The following PSEN1 variants were observed in gnomAD, a reference collection of about 807,000 sequenced individuals.
PSEN1 encodes the protein presenilin 1.
In PSEN1, 15 loss-of-function variants were observed where a neutral mutation model predicts 53.5. The ratio of observed to expected loss-of-function variants is 0.28; its 90% CI spans 0.19 to 0.43. The LOEUF is 0.43. Among genes scored for constraint, PSEN1 ranks in the 20% least tolerant of loss-of-function variants. PSEN1 has a pLI of 1.00. For missense variants in PSEN1, 387 were observed against 571.2 expected (o/e 0.68, Z 3.29); for synonymous variants, 208 against 209.8 (o/e 0.99, Z 0.08).
chr14:73,179,173 A>T (rs1383178976), intron 5 of PSEN1, among the ~76,000 whole-genome samples: 1 of 152,182 alleles, frequency 6.6e-6, no homozygotes, highest in Non-Finnish European at 1.5e-5. Flanking sequence ...AGAGAGAGAA[A>T]TAAAGCAAGG....
At chr14:73,205,187 T>C (rs970020583) in intron 8 of PSEN1, among the ~76,000 whole-genome samples, 1 of 151,844 alleles carries the variant, frequency 6.6e-6, no homozygotes, top group Admixed American at 6.6e-5. Context: ...TTAAAATTAC[T>C]GTGACCAGGC....
intron 7 of PSEN1, among the ~76,000 whole-genome samples, chr14:73,196,399 T>C (rs763478394): frequency 3.4e-5 from 5 of 149,176 alleles, no homozygotes. Context: ...TATTATATTA[T>C]AGTTCTATAT....
At chr14:73,194,740 T>C (rs774433313) in intron 7 of PSEN1, among the ~76,000 whole-genome samples, 4 of 151,928 alleles carry the variant, frequency 2.6e-5, no homozygotes, top group Admixed American at 6.6e-5. Context: ...GGCTATTTTT[T>C]TGTATTTGTA....
At chr14:73,153,567 T>C (rs1897280263) in intron 3 of PSEN1, among the ~76,000 whole-genome samples, 1 of 152,168 alleles carries the variant, frequency 6.6e-6, no homozygotes, top group South Asian at 2.1e-4. Flanking sequence ...ACTTGCCAGT[T>C]CTTTGGTTAA....
intron 3 of PSEN1, among the ~76,000 whole-genome samples, chr14:73,148,913 A>G (rs949971056): frequency 2.0e-5 from 3 of 152,156 alleles, no homozygotes; most frequent in African/African-American, 7.2e-5. Flanking sequence ...AGCCTGGGCG[A>G]CGAGCGAAAC....
At chr14:73,209,087 G>T (rs1899574610) in intron 9 of PSEN1, among the ~76,000 whole-genome samples, 1 of 152,232 alleles carries the variant, frequency 6.6e-6, no homozygotes, top group South Asian at 2.1e-4. Context: ...TCTGAAATCG[G>T]AGCCTGCAGA....
rs779160409 is a variant in PSEN1 at position 73,192,860 on chromosome 14, A to G, written c.765A>G (p.Val255=). The G allele has an allele frequency of 1.2e-6, 2 of 1,606,440 alleles. No homozygotes were observed. The highest frequency in any genetic ancestry group is 1.1e-5 in the South Asian group (1 of 90,908). The change falls in exon 7 of 12, where the codon GTA becomes GTG. Residue 255 remains valine (V), a synonymous_variant. Coordinates refer to ENST00000324501, the MANE Select transcript of PSEN1 (RefSeq NM_000021.4). ...GGCTCATCTTGGCTGTGATTTCAGT[A>G]TATGGTAAAACCCAAGACTGATAAT... ...TAWLILAVIS[V]YDLVAVLCPK... is the part of the protein sequence containing the mutation.
chr14:73,194,318 C>T (rs1026887241), intron 7 of PSEN1, among the ~76,000 whole-genome samples: 2 of 151,774 alleles, frequency 1.3e-5, no homozygotes, highest in South Asian at 2.1e-4. Context: ...GTGGCATGAA[C>T]GTGGCTTACT....
chr14:73,150,523 G>A (rs902480076), intron 3 of PSEN1, among the ~76,000 whole-genome samples: 23 of 152,024 alleles, frequency 1.5e-4, no homozygotes, highest in African/African-American at 5.1e-4. Flanking sequence ...CAGCAATTTG[G>A]GAGGCCGAGG....
intron 7 of PSEN1, among the ~76,000 whole-genome samples, chr14:73,197,001 C>T (rs1320207900): frequency 2.1e-5 from 3 of 145,758 alleles, no homozygotes; most frequent in Non-Finnish European, 4.5e-5. Context: ...GGCGCAATCT[C>T]GGCGCACTGC....
chr14:73,191,558 CT>C (rs1898718189), intron 6 of PSEN1, among the ~76,000 whole-genome samples: 1 of 147,274 alleles, frequency 6.8e-6, no homozygotes, highest in African/African-American at 2.6e-5. Flanking sequence ...TTTTTCTTTT[CT>C]TTTTTAGTTT....
In PSEN1 at chr14:73,181,085, T is replaced by A. The variant is rs528100291; in HGVS notation, c.481-5768T>A. ...GGGAAAACAATACAGATTCCATGCA[T>A]AAGGCAAAGGTTCAATTGTGGGTTT... On this transcript the variant is annotated intron_variant, in intron 5 of 11. Coordinates refer to ENST00000324501, the MANE Select transcript of PSEN1 (RefSeq NM_000021.4). 2.6e-5 allele frequency among the ~76,000 whole-genome samples: 4 copies of A among 152,328 alleles called. No homozygotes were observed. The East Asian group carries it at 5.8e-4, about 22-fold the overall frequency.
chr14:73,181,274 T>C (rs1400026616), intron 5 of PSEN1, among the ~76,000 whole-genome samples: 1 of 152,158 alleles, frequency 6.6e-6, no homozygotes, highest in African/African-American at 2.4e-5. Flanking sequence ...ATCCTGTCTC[T>C]ACTAAAAATA....
At position 73,219,445 on chromosome 14, in the gene PSEN1, C is replaced by G; in HGVS notation, c.*156C>G. On this transcript the variant is annotated 3_prime_UTR_variant, in exon 12 of 12. Coordinates refer to ENST00000324501, the MANE Select transcript of PSEN1 (RefSeq NM_000021.4). ...TCCAAGTCTTCCTGACCACCTTGCACTATTGGACTTTGGAAGGAGGTGCCT... is the reference window on the plus strand; with the variant it reads ...TCCAAGTCTTCCTGACCACCTTGCAGTATTGGACTTTGGAAGGAGGTGCCT... 1 of 832,756 alleles carries G rather than the reference C, an allele frequency of 1.2e-6. No homozygotes were observed. Among genetic ancestry groups the G allele is most frequent in the East Asian group, 2.5e-5 (1 of 40,444 alleles). The allele number at this position is 832,756 out of a possible 1,614,324, so 51.6% of individuals were successfully genotyped here.
chr14:73,180,608 A>G (rs958927570), intron 5 of PSEN1, among the ~76,000 whole-genome samples: 4 of 152,238 alleles, frequency 2.6e-5, no homozygotes. Context: ...GTTAATTATT[A>G]TACATAATTT....
At chr14:73,168,605 GC>G (rs1464613826) in intron 3 of PSEN1, 1 of 152,264 alleles carries the variant, frequency 6.6e-6, no homozygotes, top group Admixed American at 6.5e-5. Flanking sequence ...GCCGGAGATG[GC>G]CTGGCTTCAG....
At chr14:73,182,634 A>G (rs1029743672) in intron 5 of PSEN1, among the ~76,000 whole-genome samples, 1 of 152,204 alleles carries the variant, frequency 6.6e-6, no homozygotes, top group Non-Finnish European at 1.5e-5. Context: ...ACTTGAGATC[A>G]GGAGTTCAAG....
At chr14:73,202,419 TATATATATA>T (rs1566648085) in intron 8 of PSEN1, among the ~76,000 whole-genome samples, 1,078 of 20,548 alleles carry the variant, frequency 0.052, 21 homozygotes, top group Non-Finnish European at 0.083. Flanking sequence ...TATCACATAC[TATATATATA>T]TATATATATA....
chr14:73,167,746 T>C (rs1897759200), intron 3 of PSEN1: 1 of 152,122 alleles, frequency 6.6e-6, no homozygotes, highest in Non-Finnish European at 1.5e-5. Flanking sequence ...TTTTCTGTTT[T>C]TTTTTTTGTC....
Sources: gnomAD v4.1 joint callset for allele counts (sites outside exome capture counted in the v4.1 genomes callset) on GRCh38, gnomAD v4.1.1 for gene constraint, MANE v1.5 for transcripts, NCBI Gene and HGNC (gene_info 2026-07-23, HGNC 2026-07-21) for gene names.